P2RX7: variants seen among roughly 807,000 people sequenced by gnomAD.
The protein encoded by P2RX7 is purinergic receptor P2X 7, also known as P2X purinoceptor 7.
P2RX7 carries 62 observed loss-of-function variants against 71.6 expected under a neutral mutation model. That is an observed-to-expected ratio of 0.87 (90% CI 0.71 to 1.07). The LOEUF is 1.07. Among genes scored for constraint, P2RX7 ranks in the 50% least tolerant of loss-of-function variants. P2RX7 has a pLI of 0.00. For synonymous variants in P2RX7, 299 were observed against 283.3 expected (o/e 1.06, Z -0.56); for missense variants, 686 against 748.5 (o/e 0.92, Z 0.97).
chr12:121,148,940 A>G (rs1303579840), intron 1 of P2RX7: 1 of 405,880 alleles, frequency 2.5e-6, no homozygotes, highest in African/African-American at 2.1e-5. Flanking sequence ...GGTGTGAGCT[A>G]AGAGATACAA....
At chr12:121,136,647 C>CTTTTTT (rs66894143) in intron 1 of P2RX7, among the ~76,000 whole-genome samples, 1 of 119,248 alleles carries the variant, frequency 8.4e-6, no homozygotes, top group Non-Finnish European at 1.7e-5. Flanking sequence ...TTCTTTCTTT[C>CTTTTTT]TTTTTTTTTT....
rs773598372 is a variant in P2RX7, at chr12:121,156,112, A to G, written c.328A>G (p.Lys110Glu). 2 of 1,614,154 alleles carry G rather than the reference A, an allele frequency of 1.2e-6. No individual in the cohort carries two copies. The highest frequency in any genetic ancestry group is 3.3e-5 in the Admixed American group (2 of 60,022). ...TTTCTTCGTGATGACAAACTTTCTC[A>G]AAACAGAAGGCCAAGAGCAGCGGTT... is the stretch of plus-strand genomic sequence containing the variant. ...NSFFVMTNFLKTEGQEQRLCP... is the reference protein window; with the variant it reads ...NSFFVMTNFLETEGQEQRLCP... Residue 110 changes from lysine to glutamate, a missense_variant, in exon 3 of 13, where the codon AAA (lysine) becomes GAA (glutamate). Physicochemically the swap from Lys to Glu is moderately conservative, Grantham distance 56. Transcript: ENST00000328963.
In P2RX7 at chr12:121,177,221, T is replaced by C. The variant is rs779430657; in HGVS notation, c.1038+9T>C. On this transcript the variant is annotated intron_variant, in intron 10 of 12. Transcript: ENST00000328963. ...TCTCCTACTTCGGTCTGGTAAGAGA[T>C]TCTCTTTTCCATGCTTTAGGAAAAT... 4 of 1,614,186 alleles carry C rather than the reference T, an allele frequency of 2.5e-6. No homozygotes were observed. The highest frequency in any genetic ancestry group is 3.4e-6 in the Non-Finnish European group (4 of 1,180,022).
Position 121,167,490 on chromosome 12 carries a change from C to A in P2RX7, c.747C>A (p.Gly249=), listed in dbSNP as rs147505804. The A allele has an allele frequency of 5.6e-6, 9 of 1,613,782 alleles. No individual in the cohort carries two copies. Among genetic ancestry groups the A allele is most frequent in the Non-Finnish European group, 7.6e-6 (9 of 1,179,902 alleles). The stretch of plus-strand genomic sequence containing the variant: ...ACTGTCCCTTGTTGATCCTTCAGGG[C>A]GGAATAATGGGCATTGAGATCTACT... ...GDNFSDVAIQ[G]GIMGIEIYWD... Residue 249 remains glycine (G), a splice_region_variant and synonymous_variant, in exon 8 of 13, where the codon GGC becomes GGA. Coordinates refer to ENST00000328963, the MANE Select transcript of P2RX7 (RefSeq NM_002562.6).
At chr12:121,172,216 A>G (rs1882336387) in intron 8 of P2RX7, among the ~76,000 whole-genome samples, 1 of 152,196 alleles carries the variant, frequency 6.6e-6, no homozygotes, top group Non-Finnish European at 1.5e-5. Flanking sequence ...AAGACTCTGG[A>G]AGCAGAAATT....
At chr12:121,151,426 G>A (rs774936091) in intron 1 of P2RX7, among the ~76,000 whole-genome samples, 2 of 151,780 alleles carry the variant, frequency 1.3e-5, no homozygotes, top group African/African-American at 2.4e-5. Flanking sequence ...TAGTAGAGAC[G>A]GGGTTTGGCC....
intron 11 of P2RX7, 100 bp downstream of exon 11, chr12:121,177,546 G>GTGATT: frequency 8.6e-7 from 1 of 1,168,380 alleles, no homozygotes; most frequent in Non-Finnish European, 1.3e-6. Context: ...GCTTCATCCT[G>GTGATT]TAGTGGATAC....
chr12:121,163,364 A>ACACG (rs1565958326), intron 5 of P2RX7, among the ~76,000 whole-genome samples: 2 of 150,438 alleles, frequency 1.3e-5, no homozygotes, highest in African/African-American at 5.0e-5. Context: ...ACACGCACAC[A>ACACG]CACACACACA....
chr12:121,162,332 C>T (rs1200184703), intron 4 of P2RX7, 92 bp from the exon 5 acceptor site: 2 of 1,531,676 alleles, frequency 1.3e-6, no homozygotes, highest in South Asian at 1.2e-5. Context: ...CCTAGTCTCT[C>T]GCCCGGGTTG....
intron 11 of P2RX7, among the ~76,000 whole-genome samples, chr12:121,179,164 C>T (rs1031635587): frequency 3.9e-5 from 6 of 152,104 alleles, no homozygotes; most frequent in Admixed American, 6.6e-5. Flanking sequence ...CTGCGTTCAA[C>T]TCCATGATTT....
chr12:121,171,436 G>A (rs1488782884), intron 8 of P2RX7, among the ~76,000 whole-genome samples: 1 of 149,070 alleles, frequency 6.7e-6, no homozygotes, highest in Non-Finnish European at 1.5e-5. Context: ...GTAATTTCGG[G>A]TCACTGCAAC....
At position 121,177,058 on chromosome 12, in the gene P2RX7, G is replaced by A. The variant is rs527659797; in HGVS notation, c.973-89G>A. The A allele has an allele frequency of 2.7e-5, 31 of 1,135,758 alleles. No homozygotes were observed. The South Asian group carries it at 3.2e-4, about 12-fold the overall frequency. The allele number at this position is 1,135,758 out of a possible 1,614,324, so 70.4% of individuals were successfully genotyped here. A position where few individuals can be genotyped will look rare whatever the true frequency, so the allele number is the denominator to read the frequency against. On this transcript the variant is annotated intron_variant, in intron 9 of 12. Coordinates refer to ENST00000328963, the MANE Select transcript of P2RX7 (RefSeq NM_002562.6). ...TATCCAAGTCACAGCATGAGGCTCC[G>A]CTCCCTGATAGAACCAACAATTGCA...
rs1876880205 is a variant in P2RX7, at chr12:121,149,178, G to A, written c.126-5607G>A. On this transcript the variant is annotated intron_variant, in intron 1 of 12. Transcript: ENST00000328963. The surrounding 1 kb of genome is among the most constrained non-coding windows in gnomAD (Gnocchi z 4.7). ...TTGAGACTCTGAAGAACGACTTTAT[G>A]GTGGGCACCTTCATCTCCATCTGGT... 2.5e-6 allele frequency: 1 copy of A among 407,240 alleles called. No individual in the cohort carries two copies. The highest frequency in any genetic ancestry group is 2.8e-5 in the Admixed American group (1 of 35,642). 25.2% of individuals were successfully genotyped at this position (407,240 alleles called of 1,614,324 possible). A position where few individuals can be genotyped will look rare whatever the true frequency, so the allele number is the denominator to read the frequency against.
In P2RX7 at chr12:121,184,453, G is replaced by T; in HGVS notation, c.1439G>T (p.Gly480Val). 1 of 1,614,196 alleles carries T rather than the reference G, an allele frequency of 6.2e-7. No individual in the cohort carries two copies. Among genetic ancestry groups the T allele is most frequent in the East Asian group, 2.2e-5 (1 of 44,874 alleles). The stretch of plus-strand genomic sequence containing the variant: ...GATAGCCCCGTCTGGTGCCAGTGTG[G>T]AAGCTGCCTCCCATCTCAACTCCCT... ...SRDSPVWCQC[G>V]SCLPSQLPES... The change falls in exon 13 of 13, where the codon GGA becomes GTA. Residue 480 changes from glycine to valine, a missense_variant. Physicochemically the swap from Gly to Val is moderately radical, Grantham distance 109 (BLOSUM62 -3). Transcript: ENST00000328963.
chr12:121,157,830 C>G (rs555936708), intron 3 of P2RX7, among the ~76,000 whole-genome samples: 69 of 152,344 alleles, frequency 4.5e-4, no homozygotes, highest in Admixed American at 3.7e-3. Flanking sequence ...CAAAACCTAG[C>G]TGTTCGGATT....
chr12:121,159,679 AG>A (rs1879259439), intron 3 of P2RX7, among the ~76,000 whole-genome samples: 1 of 152,152 alleles, frequency 6.6e-6, no homozygotes, highest in East Asian at 1.9e-4. Context: ...CCTAGAAAAC[AG>A]GAAGAGAAAT....
intron 6 of P2RX7, 84 bp from the exon 7 acceptor site, chr12:121,165,974 C>G (rs1880924203): frequency 2.8e-6 from 4 of 1,440,644 alleles, no homozygotes; most frequent in Non-Finnish European, 3.8e-6. Flanking sequence ...AACCTCTCCA[C>G]CACACTGGCT....
chr12:121,175,610 A>G, intron 9 of P2RX7, 132 bp downstream of exon 9: 2 of 616,394 alleles, frequency 3.2e-6, no homozygotes, highest in East Asian at 2.7e-5. Context: ...CACATGGGAT[A>G]AAAGAGGAAG....
In P2RX7 at chr12:121,177,406, A is replaced by C; in HGVS notation, c.1148A>C (p.Tyr383Ser). 1 of 1,613,750 alleles carries C rather than the reference A, an allele frequency of 6.2e-7. No individual in the cohort carries two copies. The highest frequency in any genetic ancestry group is 2.2e-5 in the East Asian group (1 of 44,878). Reference sequence around the variant, plus strand: ...CAGCCCTGTGTGGTCAACGAATACTACTACAGGAAGAAGTGCGAGTCCATT... The same window carrying C: ...CAGCCCTGTGTGGTCAACGAATACTCCTACAGGAAGAAGTGCGAGTCCATT... Reference protein sequence around the residue: ...CCQPCVVNEYYYRKKCESIVE... With the variant: ...CCQPCVVNEYSYRKKCESIVE... The change falls in exon 11 of 13, where the codon TAC becomes TCC. Residue 383 changes from tyrosine to serine, a missense_variant. Physicochemically the swap from Tyr to Ser is moderately radical, Grantham distance 144 (BLOSUM62 -2). Transcript: ENST00000328963.
Sources: gnomAD v4.1 joint callset for allele counts (sites outside exome capture counted in the v4.1 genomes callset) on GRCh38, gnomAD v4.1.1 for gene constraint, Gnocchi (gnomAD v3.1) non-coding constraint, MANE v1.5 for transcripts, NCBI Gene and HGNC (gene_info 2026-07-23, HGNC 2026-07-21) for gene names.